Variants in ZNF438 observed in about 807,000 individuals in gnomAD.
The protein encoded by ZNF438 is zinc finger protein 438.
Under a neutral mutation model 38.0 loss-of-function variants are expected in ZNF438, and 25 were observed. That is an observed-to-expected ratio of 0.66 (90% CI 0.48 to 0.92). The LOEUF (loss-of-function observed/expected upper bound fraction) is 0.92, where lower values mean the gene tolerates loss of function less well. Ranked by LOEUF, ZNF438 falls within the 40% of genes least tolerant of loss-of-function variation. ZNF438 has a pLI of 0.00. For missense variants in ZNF438, 1,007 were observed against 999.6 expected (o/e 1.01, Z -0.10); for synonymous variants, 372 against 364.1 (o/e 1.02, Z -0.25).
intron 2 of ZNF438, among the ~76,000 whole-genome samples, chr10:30,940,918 A>G (rs1393410721): frequency 6.7e-6 from 1 of 149,360 alleles, no homozygotes; most frequent in African/African-American, 2.4e-5. Flanking sequence ...AAGCCTTAAA[A>G]AACTATATAT....
chr10:30,964,415 T>G lies in ZNF438; in HGVS notation c.-191-22764A>C, dbSNP rs183091592. On this transcript the variant is annotated intron_variant, in intron 1 of 5. Coordinates refer to ENST00000413025, the Ensembl canonical transcript of ZNF438. ...ATATTTAACATACTTTAGGTTGCTGTTTAACTTGATTAGTGTCCATATCCT... is the reference window on the plus strand; with the variant it reads ...ATATTTAACATACTTTAGGTTGCTGGTTAACTTGATTAGTGTCCATATCCT... Among the ~76,000 whole-genome samples, 13 of 152,316 alleles carry G rather than the reference T, an allele frequency of 8.5e-5. No individual in the cohort carries two copies. In the East Asian group the frequency reaches 2.5e-3, roughly 29 times the overall value.
intron 1 of ZNF438, among the ~76,000 whole-genome samples, chr10:30,992,250 T>G (rs938934501): frequency 6.6e-6 from 1 of 152,170 alleles, no homozygotes; most frequent in African/African-American, 2.4e-5. Context: ...GTAGGATTTT[T>G]GCTATAATAT....
chr10:30,852,229 A>G (rs1018046931), intron 4 of ZNF438, among the ~76,000 whole-genome samples: 2 of 142,308 alleles, frequency 1.4e-5, no homozygotes, highest in Admixed American at 6.9e-5. Flanking sequence ...TTTTTTTTTG[A>G]GACGGAGTTT....
intron 4 of ZNF438, among the ~76,000 whole-genome samples, chr10:30,858,160 G>A (rs988831714): frequency 1.3e-5 from 2 of 152,228 alleles, no homozygotes; most frequent in Admixed American, 6.5e-5. Flanking sequence ...CCAGGCTCAC[G>A]AGGAAAGTTC....
intron 1 of ZNF438, among the ~76,000 whole-genome samples, chr10:31,007,274 GTGTT>G (rs1158016505): frequency 7.1e-6 from 1 of 139,960 alleles, no homozygotes; most frequent in Non-Finnish European, 1.5e-5. Flanking sequence ...GGTTTTTTTG[GTGTT>G]TTTTTTTTTT....
intron 3 of ZNF438, among the ~76,000 whole-genome samples, chr10:30,880,808 T>A (rs1296639784): frequency 6.6e-6 from 1 of 152,088 alleles, no homozygotes; most frequent in Non-Finnish European, 1.5e-5. Flanking sequence ...AGTAGAGATA[T>A]CCAGGAATAC....
chr10:30,987,729 T>A (rs1252371610), intron 1 of ZNF438, among the ~76,000 whole-genome samples: 3 of 145,820 alleles, frequency 2.1e-5, no homozygotes, highest in Non-Finnish European at 3.0e-5. Context: ...GGAAGGGCCA[T>A]GTGAGGACAT....
chr10:30,893,919 T>C (rs909173917), intron 3 of ZNF438, among the ~76,000 whole-genome samples: 131 of 152,366 alleles, frequency 8.6e-4, no homozygotes, highest in African/African-American at 3.0e-3. Flanking sequence ...ATTATTGTAA[T>C]ACTATTAAAT....
intron 3 of ZNF438, among the ~76,000 whole-genome samples, chr10:30,890,059 A>C (rs2040478640): frequency 6.6e-6 from 1 of 150,618 alleles, no homozygotes; most frequent in Admixed American, 6.6e-5. Context: ...TTACAAAGAA[A>C]GGTTTTATTA....
chr10:30,920,580 T>C (rs574353924), intron 2 of ZNF438: 6 of 152,318 alleles, frequency 3.9e-5, no homozygotes, highest in African/African-American at 1.4e-4. Context: ...CTCATTTTAC[T>C]TGGCAGTTTG....
At chr10:30,943,115 G>GTT (rs199527053) in intron 1 of ZNF438, among the ~76,000 whole-genome samples, 1 of 150,362 alleles carries the variant, frequency 6.7e-6, no homozygotes, top group Non-Finnish European at 1.5e-5. Flanking sequence ...CATTGGTGCT[G>GTT]TTTTTTTTTC....
chr10:30,978,867 G>A (rs192999943), intron 1 of ZNF438, among the ~76,000 whole-genome samples: 2 of 152,330 alleles, frequency 1.3e-5, no homozygotes, highest in Admixed American at 1.3e-4. Flanking sequence ...CCTAGCAAGA[G>A]AGTCAGCTTC....
At chr10:30,941,505 T>C (rs1256794565) in intron 2 of ZNF438, 70 bp downstream of exon 3, 1 of 152,072 alleles carries the variant, frequency 6.6e-6, no homozygotes, top group African/African-American at 2.4e-5. Flanking sequence ...ATGTCCAAGT[T>C]AGTAAACTTA....
At chr10:30,963,304 A>G (rs2049713777) in intron 1 of ZNF438, among the ~76,000 whole-genome samples, 1 of 148,164 alleles carries the variant, frequency 6.7e-6, no homozygotes, top group South Asian at 2.3e-4. Flanking sequence ...AGGCAGGAGA[A>G]TTGCTTGAAC....
At chr10:30,874,173 A>C (rs2038051284) in intron 4 of ZNF438, among the ~76,000 whole-genome samples, 1 of 133,870 alleles carries the variant, frequency 7.5e-6, no homozygotes, top group South Asian at 2.4e-4. Flanking sequence ...TTTAGAGACA[A>C]GGTCTTGTTC....
chr10:30,884,959 A>G (rs1044796263), intron 3 of ZNF438, among the ~76,000 whole-genome samples: 1 of 152,212 alleles, frequency 6.6e-6, no homozygotes, highest in Middle Eastern at 3.2e-3. Flanking sequence ...ACTTTAACCC[A>G]TGTTGTGAGT....
intron 5 of ZNF438, among the ~76,000 whole-genome samples, chr10:30,846,185 G>A (rs1459141364): frequency 6.6e-6 from 1 of 152,098 alleles, no homozygotes; most frequent in East Asian, 1.9e-4. Context: ...TGATTTTTAG[G>A]TACAATGTCC....
At chr10:30,996,196 C>A (rs2054029524) in intron 1 of ZNF438, among the ~76,000 whole-genome samples, 1 of 152,020 alleles carries the variant, frequency 6.6e-6, no homozygotes, top group Non-Finnish European at 1.5e-5. Flanking sequence ...ACAAAAAAGA[C>A]CTGAGACCTA....
chr10:30,953,410 AT>A (rs1159039819), intron 1 of ZNF438, among the ~76,000 whole-genome samples: 1 of 151,612 alleles, frequency 6.6e-6, no homozygotes, highest in African/African-American at 2.4e-5. Flanking sequence ...AATAAAAAAA[AT>A]TTAAAAAATT....
Sources: allele counts gnomAD v4.1 joint callset (sites outside exome capture counted in the v4.1 genomes callset), GRCh38; gene constraint gnomAD v4.1.1; transcripts MANE v1.5; gene names NCBI Gene and HGNC (gene_info 2026-07-23, HGNC 2026-07-21).